TOPORS: variants seen among roughly 807,000 people sequenced by gnomAD.
The protein encoded by TOPORS is TOP1 binding arginine/serine rich protein, E3 ubiquitin ligase, also known as E3 ubiquitin-protein ligase Topors.
A neutral mutation model predicts 81.4 loss-of-function variants in TOPORS; 25 were observed. The observed-to-expected ratio is 0.31, with a 90% confidence interval of 0.22 to 0.43. The LOEUF (loss-of-function observed/expected upper bound fraction) is 0.43. Ranked by LOEUF, TOPORS falls within the 20% of genes least tolerant of loss-of-function variation. The pLI, the probability that TOPORS is intolerant of heterozygous loss-of-function variation, is 1.00. For missense variants in TOPORS, 1,101 were observed against 1,267.0 expected (o/e 0.87, Z 1.99); for synonymous variants, 473 against 456.6 (o/e 1.04, Z -0.46).
rs758912429 is a variant in TOPORS at position 32,541,317 on chromosome 9, T to A, written c.*70A>T. 2 of 1,436,102 alleles carry A rather than the reference T, an allele frequency of 1.4e-6. No homozygotes were observed. The highest frequency in any genetic ancestry group is 1.9e-6 in the Non-Finnish European group (2 of 1,026,616). 89.0% of individuals were successfully genotyped at this position (1,436,102 alleles called of 1,614,324 possible). A position where few individuals can be genotyped will look rare whatever the true frequency, so the allele number is the denominator to read the frequency against. ...CACCAAATGTCATCTTTAAATAGAC[T>A]GCAGTAGACGACATTCTTCCTTTTT... On this transcript the variant is annotated 3_prime_UTR_variant, in exon 3 of 3. Coordinates refer to ENST00000360538, the MANE Select transcript of TOPORS (RefSeq NM_005802.5).
chr9:32,542,648 C>G lies in TOPORS; in HGVS notation c.1877G>C (p.Ser626Thr), dbSNP rs552885103. Residue 626 changes from serine (S) to threonine (T), a missense_variant, in exon 3 of 3, where the codon AGT becomes ACT. Physicochemically the swap from Ser to Thr is moderately conservative, Grantham distance 58. This residue lies in a region of TOPORS where 605 missense variants were observed against 636.1 expected (regional missense o/e 0.95). Coordinates refer to ENST00000360538, the MANE Select transcript of TOPORS (RefSeq NM_005802.5). ...RKHHGKKRMK[S>T]KRSRSRESSR... ...ACTTTCCCTGCTTCTGGATCGTTTA[C>G]TTTTCATTCTTTTCTTCCCATGATG... is the stretch of plus-strand genomic sequence containing the variant. 2.5e-6 allele frequency: 4 copies of G among 1,613,988 alleles called. No individual in the cohort carries two copies. The African/African-American group carries it at 4.0e-5, about 16-fold the overall frequency.
chr9:32,549,952 T>C (rs929702260), intron 2 of TOPORS, among the ~76,000 whole-genome samples: 16 of 152,288 alleles, frequency 1.1e-4, no homozygotes, highest in Non-Finnish European at 2.9e-5. Context: ...GCAAAAAGAA[T>C]TGGCTGGGAA....
chr9:32,542,704 T>C lies in TOPORS; in HGVS notation c.1821A>G (p.Arg607=). 6.2e-7 allele frequency: 1 copy of C among 1,614,074 alleles called. No homozygotes were observed. The highest frequency in any genetic ancestry group is 2.2e-5 in the East Asian group (1 of 44,864). The change falls in exon 3 of 3, where the codon AGA becomes AGG. Residue 607 remains arginine, a synonymous_variant. Transcript: ENST00000360538. The part of the protein sequence containing the change: ...SRSSDSRSQS[R]SGHDQKNHRK... ...TATGATTCTTCTGATCATGCCCACT[T>C]CTACTCTGAGAACGTGAATCTGAAC...
Position 32,542,948 on chromosome 9 carries a change from T to C in TOPORS, c.1577A>G (p.Asp526Gly). 2 of 1,614,188 alleles carry C rather than the reference T, an allele frequency of 1.2e-6. No individual in the cohort carries two copies. The highest frequency in any genetic ancestry group is 1.7e-6 in the Non-Finnish European group (2 of 1,180,028). The change falls in exon 3 of 3, where the codon GAT becomes GGT. Residue 526 changes from aspartate to glycine, a missense_variant. By Grantham distance (94) the Asp-to-Gly change is moderately conservative (BLOSUM62 -1). Around this residue, in one of 9 missense-constraint regions of TOPORS, gnomAD observed 605 missense variants for 636.1 expected, o/e 0.95. Transcript: ENST00000360538. Reference sequence around the variant, plus strand: ...AGATGAGCATCTACTAACATCGCTATCACCAGAACTGTAAGATTGCTCCTG... The same window carrying C: ...AGATGAGCATCTACTAACATCGCTACCACCAGAACTGTAAGATTGCTCCTG... The part of the protein sequence containing the change: ...QEQEQSYSSG[D>G]SDVSRCSSPH...
chr9:32,541,821 A>C lies in TOPORS; in HGVS notation c.2704T>G (p.Ser902Ala), dbSNP rs374744430. 4 of 1,614,048 alleles carry C rather than the reference A, an allele frequency of 2.5e-6. No individual in the cohort carries two copies. Among genetic ancestry groups the C allele is most frequent in the Admixed American group, 1.7e-5 (1 of 60,000 alleles). Residue 902 changes from serine to alanine, a missense_variant, in exon 3 of 3, where the codon TCA becomes GCA. Physicochemically the swap from Ser to Ala is moderately conservative, Grantham distance 99 (BLOSUM62 1). Around this residue, in one of 9 missense-constraint regions of TOPORS, gnomAD observed 605 missense variants for 636.1 expected, o/e 0.95. Transcript: ENST00000360538. ...ATGGTAATTACAACTGGGGAACGTGAAGCATTATCTCCATGGTGTTTCTTA... is the reference window on the plus strand; with the variant it reads ...ATGGTAATTACAACTGGGGAACGTGCAGCATTATCTCCATGGTGTTTCTTA... ...KHKKHHGDNA[S>A]RSPVVITIDS...
In TOPORS at chr9:32,542,162, C is replaced by G; in HGVS notation, c.2363G>C (p.Arg788Thr). 6.2e-7 allele frequency: 1 copy of G among 1,614,164 alleles called. No individual in the cohort carries two copies. The highest frequency in any genetic ancestry group is 1.1e-5 in the South Asian group (1 of 91,078). ...RTASTGTDRVRNEKPGGKRKY... is the reference protein window; with the variant it reads ...RTASTGTDRVTNEKPGGKRKY... The stretch of plus-strand genomic sequence containing the variant: ...TCGTTTCCCTCCAGGCTTTTCATTT[C>G]TCACCCGGTCAGTCCCGGTAGATGC... The change falls in exon 3 of 3, where the codon AGA becomes ACA. Residue 788 changes from arginine to threonine, a missense_variant. Coordinates refer to ENST00000360538, the MANE Select transcript of TOPORS (RefSeq NM_005802.5).
At chr9:32,547,959 G>T (rs1821161833) in intron 2 of TOPORS, among the ~76,000 whole-genome samples, 1 of 147,826 alleles carries the variant, frequency 6.8e-6, no homozygotes, top group African/African-American at 2.5e-5. Context: ...AGCCTTCCCA[G>T]TAGTAGCTGG....
chr9:32,549,881 A>T (rs571302138), intron 2 of TOPORS, among the ~76,000 whole-genome samples: 16 of 152,312 alleles, frequency 1.1e-4, no homozygotes, highest in African/African-American at 3.8e-4. Context: ...TACAAAAGTC[A>T]CAGGATCTCA....
chr9:32,550,745 C>T (rs754472758), intron 2 of TOPORS, 29 bp downstream of exon 2: 1 of 1,612,054 alleles, frequency 6.2e-7, no homozygotes, highest in Non-Finnish European at 8.5e-7. Flanking sequence ...TTCCGACCCC[C>T]GCGTCCCATT....
At chr9:32,544,987 A>G (rs891377288) in intron 2 of TOPORS, among the ~76,000 whole-genome samples, 7 of 152,252 alleles carry the variant, frequency 4.6e-5, no homozygotes, top group Non-Finnish European at 7.3e-5. Context: ...CATAACTTAC[A>G]TACCAGAAAG....
In TOPORS at chr9:32,550,944, G is replaced by A; in HGVS notation, c.28C>T (p.Pro10Ser). 6.2e-7 allele frequency: 1 copy of A among 1,612,192 alleles called. No individual in the cohort carries two copies. Among genetic ancestry groups the A allele is most frequent in the Non-Finnish European group, 8.5e-7 (1 of 1,179,830 alleles). MGSQPPLGS[P>S]LSREEGEAPP... ...GCTTCACCCTCCTCGCGAGACAGCGGAGACCCCAGCGGCGGCTGCGACCCC... is the reference window on the plus strand; with the variant it reads ...GCTTCACCCTCCTCGCGAGACAGCGAAGACCCCAGCGGCGGCTGCGACCCC... Residue 10 changes from proline (P) to serine (S), a missense_variant, in exon 2 of 3, where the codon CCG (proline) becomes TCG (serine). Transcript: ENST00000360538.
intron 1 of TOPORS, 62 bp from the exon 2 acceptor site, chr9:32,551,030 C>T: frequency 1.9e-6 from 3 of 1,547,016 alleles, no homozygotes; most frequent in African/African-American, 1.4e-5. Flanking sequence ...GCGAGACCCA[C>T]CCCCCAGCTC....
chr9:32,552,020 A>C (rs1478390703), intron 1 of TOPORS, among the ~76,000 whole-genome samples: 1 of 151,936 alleles, frequency 6.6e-6, no homozygotes, highest in Non-Finnish European at 1.5e-5. Context: ...AGAAAGCGTT[A>C]ATTCTTCCAG....
At chr9:32,547,999 A>ATTTTTTTTTTTTTTT (rs747727912) in intron 2 of TOPORS, among the ~76,000 whole-genome samples, 68 of 83,730 alleles carry the variant, frequency 8.1e-4, no homozygotes, top group Non-Finnish European at 1.1e-3. Context: ...CACGCTCGGC[A>ATTTTTTTTTTTTTTT]TTTTTTTTTT....
chr9:32,551,747 A>G, intron 1 of TOPORS: 1 of 435,596 alleles, frequency 2.3e-6, no homozygotes, highest in Non-Finnish European at 4.7e-6. Context: ...CACGCGCGGC[A>G]GTTCAAGAAC....
intron 2 of TOPORS, 57 bp downstream of exon 2, chr9:32,550,717 C>T (rs894466542): frequency 5.8e-5 from 93 of 1,592,340 alleles, no homozygotes; most frequent in Middle Eastern, 3.3e-4. Flanking sequence ...CAGGCGGGAG[C>T]GCCAACTCCC....
chr9:32,545,362 G>C (rs1821127817), intron 2 of TOPORS, among the ~76,000 whole-genome samples: 1 of 150,316 alleles, frequency 6.7e-6, no homozygotes, highest in Non-Finnish European at 1.5e-5. Context: ...TGTTTTATCA[G>C]TTTACATTGG....
Position 32,541,840 on chromosome 9 carries a change from TTTCTTATGCTTC to T in TOPORS, c.2673_2684del (p.Lys892_Lys895del), listed in dbSNP as rs774053080. On this transcript the variant is annotated inframe_deletion, in exon 3 of 3. Coordinates refer to ENST00000360538, the MANE Select transcript of TOPORS (RefSeq NM_005802.5). ...AACGTGAAGCATTATCTCCATGGTG[TTTCTTATGCTTC>T]TTCTTATGTTTCTTCTTTTTCTTTT... is the stretch of plus-strand genomic sequence containing the variant. 2 of 1,614,140 alleles carry T rather than the reference TTTCTTATGCTTC, an allele frequency of 1.2e-6. No individual in the cohort carries two copies. Among genetic ancestry groups the T allele is most frequent in the Admixed American group, 1.7e-5 (1 of 60,020 alleles).
chr9:32,552,321 G>A lies in TOPORS; in HGVS notation c.3+113C>T, dbSNP rs761671359. On this transcript the variant is annotated intron_variant, in intron 1 of 2. Coordinates refer to ENST00000360538, the MANE Select transcript of TOPORS (RefSeq NM_005802.5). Reference sequence around the variant, plus strand: ...AGCGCTGCACGAAGCGAGTGGGCGGGCGCTCGTGCCCGGCTAAAAGATGGC... The same window carrying A: ...AGCGCTGCACGAAGCGAGTGGGCGGACGCTCGTGCCCGGCTAAAAGATGGC... 23 of 1,461,356 alleles carry A rather than the reference G, an allele frequency of 1.6e-5. No individual in the cohort carries two copies. The South Asian group carries it at 2.4e-4, about 15-fold the overall frequency. The allele number at this position is 1,461,356 out of a possible 1,614,324, so 90.5% of individuals were successfully genotyped here.
Sources: gnomAD v4.1 joint callset for allele counts (sites outside exome capture counted in the v4.1 genomes callset) on GRCh38, gnomAD v4.1.1 for gene constraint, gnomAD v4.1.1 regional missense constraint, MANE v1.5 for transcripts, NCBI Gene and HGNC (gene_info 2026-07-23, HGNC 2026-07-21) for gene names.